Variants in INTS12 observed in about 807,000 individuals in gnomAD.
INTS12 encodes the protein integrator complex subunit 12.
INTS12 carries 13 observed loss-of-function variants against 41.6 expected under a neutral mutation model. The observed-to-expected ratio is 0.31, with a 90% CI of 0.20 to 0.50. The LOEUF (loss-of-function observed/expected upper bound fraction) is 0.50. INTS12 is among the 20% of genes least tolerant of loss of function. The pLI is 0.98. For synonymous variants in INTS12, 199 were observed against 191.4 expected (o/e 1.04, Z -0.33); for missense variants, 432 against 541.6 (o/e 0.80, Z 2.01).
In INTS12 at chr4:105,682,878, C is replaced by T. The variant is rs1731363497; in HGVS notation, c.1244G>A (p.Ser415Asn). ...GNSGTSGPSGSTTSKTTSESS... is the reference protein window; with the variant it reads ...GNSGTSGPSGNTTSKTTSESS... Reference sequence around the variant, plus strand: ...TTCTGAAGTAGTTTTGCTGGTAGTACTTCCACTAGGTCCTGATGTTCCACT... The same window carrying T: ...TTCTGAAGTAGTTTTGCTGGTAGTATTTCCACTAGGTCCTGATGTTCCACT... The change falls in exon 8 of 8, where the codon AGT becomes AAT. Residue 415 changes from serine (S) to asparagine (N), a missense_variant. Physicochemically the swap from Ser to Asn is conservative, Grantham distance 46. Around this residue, in one of 3 missense-constraint regions of INTS12, gnomAD observed 258 missense variants for 309.9 expected, o/e 0.83. Transcript: ENST00000340139. The T allele has an allele frequency of 6.2e-7, 1 of 1,613,952 alleles. No homozygotes were observed. Among genetic ancestry groups the T allele is most frequent in the Non-Finnish European group, 8.5e-7 (1 of 1,179,968 alleles).
chr4:105,693,236 A>G (rs1731748338), intron 5 of INTS12, 63 bp downstream of exon 5: 2 of 1,293,006 alleles, frequency 1.5e-6, no homozygotes, highest in South Asian at 4.2e-5. Flanking sequence ...GGGGTTGAGG[A>G]GTGGAAAGGG....
rs146172950 is a variant in INTS12 at position 105,683,278 on chromosome 4, C to T, written c.844G>A (p.Val282Ile). 1,888 of 1,613,186 alleles carry T rather than the reference C, an allele frequency of 1.2e-3. 1 individual carries two copies. The highest frequency in any genetic ancestry group is 1.4e-3 in the Non-Finnish European group (1,705 of 1,179,674). Residue 282 changes from valine (V) to isoleucine (I), a missense_variant, in exon 8 of 8, where the codon GTT becomes ATT. Coordinates refer to ENST00000340139, the MANE Select transcript of INTS12 (RefSeq NM_020395.4). Reference sequence around the variant, plus strand: ...AAGCCACTAGTTACTGACGAGGAAACGCTGGCACTAGAAGAATTTCCTGAA... The same window carrying T: ...AAGCCACTAGTTACTGACGAGGAAATGCTGGCACTAGAAGAATTTCCTGAA... The part of the protein sequence containing the change: ...VISGNSSSAS[V>I]SSSVTSGLTG...
In INTS12 at chr4:105,703,997, A is replaced by G. The variant is rs369479502; in HGVS notation, c.-171-188T>C. Among the ~76,000 whole-genome samples the G allele has an allele frequency of 1.2e-4, 18 of 149,590 alleles. No individual in the cohort carries two copies. In the East Asian group the frequency reaches 3.3e-3, roughly 28 times the overall value. ...TCCCCTCTTGAACCTTGGCCTATGG[A>G]TTATTTCCCATATCTTCTTTTTTTT... On this transcript the variant is annotated intron_variant, in intron 1 of 7. Coordinates refer to ENST00000340139, the MANE Select transcript of INTS12 (RefSeq NM_020395.4).
At position 105,699,922 on chromosome 4, in the gene INTS12, A is replaced by T; in HGVS notation, c.84T>A (p.Ala28=). 1 of 1,564,002 alleles carries T rather than the reference A, an allele frequency of 6.4e-7. No individual in the cohort carries two copies. Among genetic ancestry groups the T allele is most frequent in the East Asian group, 2.3e-5 (1 of 44,032 alleles). Residue 28 remains alanine, a synonymous_variant, in exon 3 of 8, where the codon GCT becomes GCA. Transcript: ENST00000340139. ...CATCAAGCAGTGCTTTTAGCTTTTC[A>T]GCAGAATCTTTACTCTTTGAATGCA... ...GFLHSKSKDS[A]EKLKALLDES...
At chr4:105,698,088 G>GT (rs1445696109) in intron 3 of INTS12, among the ~76,000 whole-genome samples, 1 of 152,064 alleles carries the variant, frequency 6.6e-6, no homozygotes, top group East Asian at 1.9e-4. Context: ...TGTATTGTGT[G>GT]TAACTAAAAA....
At chr4:105,691,076 G>T (rs1479024438) in intron 6 of INTS12, among the ~76,000 whole-genome samples, 2 of 152,076 alleles carry the variant, frequency 1.3e-5, no homozygotes, top group Non-Finnish European at 2.9e-5. Flanking sequence ...TCCTATTTCT[G>T]ATTTAACTGA....
chr4:105,689,193 T>C lies in INTS12; in HGVS notation c.658-2355A>G, dbSNP rs201470493. 7.9e-5 allele frequency among the ~76,000 whole-genome samples: 12 copies of C among 152,312 alleles called. No individual in the cohort carries two copies. In the East Asian group the frequency reaches 2.3e-3, roughly 29 times the overall value. ...AAAACTATAGAACTGAAGAATAACC[T>C]TGGACCCTGCCATACACGATCACAA... On this transcript the variant is annotated intron_variant, in intron 6 of 7. Coordinates refer to ENST00000340139, the MANE Select transcript of INTS12 (RefSeq NM_020395.4).
chr4:105,691,836 C>T (rs953650936), intron 6 of INTS12, 140 bp downstream of exon 6: 2 of 557,030 alleles, frequency 3.6e-6, no homozygotes, highest in African/African-American at 2.0e-5. Context: ...ATCACATGTA[C>T]ATACTATACA....
intron 3 of INTS12, among the ~76,000 whole-genome samples, chr4:105,696,192 A>T (rs1038464034): frequency 6.6e-6 from 1 of 152,184 alleles, no homozygotes; most frequent in Non-Finnish European, 1.5e-5. Flanking sequence ...ATAAGTTTTG[A>T]CATATGTATA....
intron 7 of INTS12, among the ~76,000 whole-genome samples, chr4:105,683,826 A>G (rs1187589222): frequency 6.6e-6 from 1 of 152,162 alleles, no homozygotes; most frequent in Admixed American, 6.5e-5. Flanking sequence ...TGTGTGAGAG[A>G]AAGAAGACAG....
At chr4:105,690,502 G>A (rs2149180596) in intron 6 of INTS12, among the ~76,000 whole-genome samples, 1 of 151,978 alleles carries the variant, frequency 6.6e-6, no homozygotes, top group South Asian at 2.1e-4. Context: ...AATGGGATAT[G>A]GAATTAAAAG....
At chr4:105,701,781 ACCTAAAAGAAC>A (rs1337861745) in intron 2 of INTS12, among the ~76,000 whole-genome samples, 3 of 152,224 alleles carry the variant, frequency 2.0e-5, no homozygotes, top group Non-Finnish European at 4.4e-5. Flanking sequence ...AAGGGTTGAC[ACCTAAAAGAAC>A]CCTTGTAATA....
At chr4:105,691,233 G>T (rs1731671345) in intron 6 of INTS12, among the ~76,000 whole-genome samples, 1 of 152,074 alleles carries the variant, frequency 6.6e-6, no homozygotes, top group Non-Finnish European at 1.5e-5. Context: ...CTAATTTAAG[G>T]CAGGGGAAGA....
intron 6 of INTS12, among the ~76,000 whole-genome samples, chr4:105,687,769 A>T (rs575417066): frequency 1.3e-5 from 2 of 152,200 alleles, no homozygotes; most frequent in African/African-American, 4.8e-5. Flanking sequence ...CCTGGCCCAC[A>T]TGGTGAAACC....
In INTS12 at chr4:105,683,269, A is replaced by G; in HGVS notation, c.853T>C (p.Ser285Pro). 1.2e-6 allele frequency: 2 copies of G among 1,613,846 alleles called. No homozygotes were observed. Among genetic ancestry groups the G allele is most frequent in the Non-Finnish European group, 1.7e-6 (2 of 1,179,876 alleles). Residue 285 changes from serine to proline, a missense_variant, in exon 8 of 8, where the codon TCA becomes CCA. By Grantham distance (74) the Ser-to-Pro change is moderately conservative (BLOSUM62 -1). This residue lies in a region of INTS12 where 258 missense variants were observed against 309.9 expected (regional missense o/e 0.83). Coordinates refer to ENST00000340139, the MANE Select transcript of INTS12 (RefSeq NM_020395.4). The stretch of plus-strand genomic sequence containing the variant: ...CATCCAGTTAAGCCACTAGTTACTG[A>G]CGAGGAAACGCTGGCACTAGAAGAA... ...GNSSSASVSSSVTSGLTGWAA... is the reference protein window; with the variant it reads ...GNSSSASVSSPVTSGLTGWAA...
chr4:105,693,284 C>T lies in INTS12; in HGVS notation c.497+15G>A, dbSNP rs1731750137. On this transcript the variant is annotated intron_variant, in intron 5 of 7. Coordinates refer to ENST00000340139, the MANE Select transcript of INTS12 (RefSeq NM_020395.4). Reference sequence around the variant, plus strand: ...TATAAAGTAACAAAAGAATCTGTGGCAAGGTACAACTTACCTACAAACAAC... The same window carrying T: ...TATAAAGTAACAAAAGAATCTGTGGTAAGGTACAACTTACCTACAAACAAC... 6.4e-7 allele frequency: 1 copy of T among 1,556,706 alleles called. No individual in the cohort carries two copies. The highest frequency in any genetic ancestry group is 1.2e-5 in the South Asian group (1 of 83,132).
chr4:105,698,509 T>C (rs1434113699), intron 3 of INTS12, among the ~76,000 whole-genome samples: 2 of 152,094 alleles, frequency 1.3e-5, no homozygotes, highest in Non-Finnish European at 2.9e-5. Context: ...AAATTTTTCA[T>C]GTTCTTTAAG....
intron 4 of INTS12, among the ~76,000 whole-genome samples, chr4:105,693,941 T>C (rs1003283928): frequency 2.0e-5 from 3 of 152,234 alleles, no homozygotes; most frequent in South Asian, 4.1e-4. Flanking sequence ...TTATACTTTG[T>C]TGATGACAGT....
At chr4:105,698,052 C>CA in intron 3 of INTS12, among the ~76,000 whole-genome samples, 1 of 151,786 alleles carries the variant, frequency 6.6e-6, no homozygotes, top group South Asian at 2.1e-4. Context: ...CCTGTCTCAA[C>CA]AAAAAACAAC....
Sources: allele counts gnomAD v4.1 joint callset (sites outside exome capture counted in the v4.1 genomes callset), GRCh38; gene constraint gnomAD v4.1.1; regional missense constraint gnomAD v4.1.1; transcripts MANE v1.5; gene names NCBI Gene and HGNC (gene_info 2026-07-23, HGNC 2026-07-21).